The following MTUS1 variants were observed in gnomAD, a reference collection of about 807,000 sequenced individuals.
MTUS1 encodes microtubule associated scaffold protein 1, also known as microtubule-associated tumor suppressor 1.
MTUS1 carries 109 observed loss-of-function variants against 120.8 expected under a neutral mutation model. That is an observed-to-expected ratio of 0.90 (90% CI 0.77 to 1.06). The LOEUF (loss-of-function observed/expected upper bound fraction) is 1.06, where lower values mean the gene tolerates loss of function less well. MTUS1 is among the 50% of genes least tolerant of loss of function. The probability of loss-of-function intolerance (pLI) is 0.00; values close to 1 mark genes in which losing one functional copy is unlikely to be tolerated. For synonymous variants in MTUS1, 737 were observed against 550.5 expected (o/e 1.34, Z -4.74); for missense variants, 2,210 against 1,486.3 (o/e 1.49, Z -8.01).
At position 17,754,093 on chromosome 8, in the gene MTUS1, T is replaced by C. The variant is rs2048404295; in HGVS notation, c.1715A>G (p.Asn572Ser). The C allele has an allele frequency of 6.2e-7, 1 of 1,614,100 alleles. No individual in the cohort carries two copies. Among genetic ancestry groups the C allele is most frequent in the Non-Finnish European group, 8.5e-7 (1 of 1,180,030 alleles). ...NADKKAEILINKTHKQQFNKL... is the reference protein window; with the variant it reads ...NADKKAEILISKTHKQQFNKL... ...ATTAAACTGCTGCTTATGTGTCTTG[T>C]TAATTAGAATTTCTGCTTTTTTGTC... Residue 572 changes from asparagine (N) to serine (S), a missense_variant, in exon 2 of 15, where the codon AAC becomes AGC. Transcript: ENST00000693296.
intron 6 of MTUS1, among the ~76,000 whole-genome samples, chr8:17,707,693 T>C (rs912001470): frequency 6.6e-6 from 1 of 152,168 alleles, no homozygotes; most frequent in Non-Finnish European, 1.5e-5. Flanking sequence ...GCCATAACTA[T>C]CTTGAAAAAG....
At chr8:17,723,291 T>C (rs1441120008) in intron 4 of MTUS1, 2 of 271,668 alleles carry the variant, frequency 7.4e-6, no homozygotes, top group Non-Finnish European at 1.5e-5. Flanking sequence ...ATATTAGTCC[T>C]ATTACACAAA....
At chr8:17,757,359 A>G (rs917828952) in intron 1 of MTUS1, among the ~76,000 whole-genome samples, 1 of 152,216 alleles carries the variant, frequency 6.6e-6, no homozygotes, top group African/African-American at 2.4e-5. Flanking sequence ...AAGAAAACCT[A>G]AAGTGGCTGC....
intron 14 of MTUS1, 73 bp downstream of exon 14, chr8:17,646,908 AG>A (rs1805910716): frequency 9.8e-7 from 1 of 1,015,928 alleles, no homozygotes; most frequent in Admixed American, 1.7e-5. Flanking sequence ...GCAGGGGTAG[AG>A]CGTGTCCAGA....
In MTUS1 at chr8:17,684,357, T is replaced by C. The variant is rs1185765728; in HGVS notation, c.2809A>G (p.Thr937Ala). 43 of 1,614,200 alleles carry C rather than the reference T, an allele frequency of 2.7e-5. No homozygotes were observed. Among genetic ancestry groups the C allele is most frequent in the Non-Finnish European group, 3.6e-5 (43 of 1,180,018 alleles). ...ACGNTKFEAL[T>A]VVIQHLLSER... ...GACAGCAGGTGCTGAATCACAACTG[T>C]CAATGCCTCAAACTTGGTATTACCA... The change falls in exon 7 of 15, where the codon ACA (threonine) becomes GCA (alanine). Residue 937 changes from threonine (T) to alanine (A), a missense_variant. Physicochemically the swap from Thr to Ala is moderately conservative, Grantham distance 58. Transcript: ENST00000693296.
At chr8:17,680,403 G>T (rs1164948022) in intron 7 of MTUS1, among the ~76,000 whole-genome samples, 5 of 148,388 alleles carry the variant, frequency 3.4e-5, no homozygotes, top group Non-Finnish European at 3.0e-5. Context: ...GGCGGAGGTT[G>T]CAGTGAGCTG....
intron 2 of MTUS1, among the ~76,000 whole-genome samples, chr8:17,745,936 T>A (rs1226205844): frequency 6.6e-6 from 1 of 152,168 alleles, no homozygotes; most frequent in Non-Finnish European, 1.5e-5. Flanking sequence ...CCCCTTGCTG[T>A]TCTTATGACA....
At chr8:17,668,550 T>G (rs550622730) in intron 8 of MTUS1, among the ~76,000 whole-genome samples, 92 of 152,370 alleles carry the variant, frequency 6.0e-4, no homozygotes, top group African/African-American at 2.1e-3. Flanking sequence ...TAACTGGGAT[T>G]GTCGGACATA....
chr8:17,711,452 G>C (rs930131819), intron 6 of MTUS1, among the ~76,000 whole-genome samples: 2 of 140,372 alleles, frequency 1.4e-5, no homozygotes, highest in Admixed American at 7.3e-5. Context: ...CTAGCTTCCA[G>C]CTTTTTTTTT....
At chr8:17,748,447 A>C (rs994005067) in intron 2 of MTUS1, among the ~76,000 whole-genome samples, 2 of 151,132 alleles carry the variant, frequency 1.3e-5, no homozygotes, top group African/African-American at 4.9e-5. Context: ...TTGGGTACCC[A>C]AAAAAGGTTA....
At chr8:17,663,392 T>C (rs28576326) in intron 8 of MTUS1, among the ~76,000 whole-genome samples, 5,644 of 152,294 alleles carry the variant, frequency 0.037, 239 homozygotes, top group South Asian at 0.13. Flanking sequence ...TCTTTTGAAA[T>C]GATACAGTGC....
At chr8:17,771,144 C>G (rs769841158) in intron 1 of MTUS1, among the ~76,000 whole-genome samples, 4 of 152,032 alleles carry the variant, frequency 2.6e-5, no homozygotes, top group African/African-American at 7.3e-5. Context: ...GTGTTATATC[C>G]TTTAAACTTA....
chr8:17,762,997 C>CG (rs2049162596), intron 1 of MTUS1, among the ~76,000 whole-genome samples: 1 of 146,634 alleles, frequency 6.8e-6, no homozygotes, highest in Non-Finnish European at 1.5e-5. Flanking sequence ...CCAATGGTAC[C>CG]TTTTTTTTTT....
At chr8:17,689,655 AC>A (rs894289022) in intron 6 of MTUS1, among the ~76,000 whole-genome samples, 4 of 152,164 alleles carry the variant, frequency 2.6e-5, no homozygotes, top group African/African-American at 9.6e-5. Context: ...TCCTATAGCA[AC>A]CAAAAAAGCA....
chr8:17,705,086 G>A lies in MTUS1; in HGVS notation c.2623+8128C>T, dbSNP rs184117686. Among the ~76,000 whole-genome samples, 479 of 152,190 alleles carry A rather than the reference G, an allele frequency of 3.1e-3. 6 individuals carry two copies. The highest frequency in any genetic ancestry group is 2.5e-3 in the Non-Finnish European group (167 of 67,998). On this transcript the variant is annotated intron_variant, in intron 6 of 14. Transcript: ENST00000693296. Reference sequence around the variant, plus strand: ...GCAACCTCTGCCTCCTGGGTTCAACGATTCTTCTGCCTCAGCCTCATGAGT... The same window carrying A: ...GCAACCTCTGCCTCCTGGGTTCAACAATTCTTCTGCCTCAGCCTCATGAGT...
At chr8:17,693,569 G>T (rs868596875) in intron 6 of MTUS1, among the ~76,000 whole-genome samples, 5 of 152,150 alleles carry the variant, frequency 3.3e-5, no homozygotes, top group Non-Finnish European at 7.3e-5. Context: ...TTCCTTGAAG[G>T]AGCCCTTCCT....
rs953228603 is a variant in MTUS1 at position 17,643,826 on chromosome 8, T to C, written c.*2100A>G. 2 of 152,252 alleles carry C rather than the reference T, an allele frequency of 1.3e-5. No individual in the cohort carries two copies. Among genetic ancestry groups the C allele is most frequent in the African/African-American group, 4.8e-5 (2 of 41,460 alleles). 9.4% of individuals were successfully genotyped at this position (152,252 alleles called of 1,614,324 possible). On this transcript the variant is annotated 3_prime_UTR_variant, in exon 15 of 15. Coordinates refer to ENST00000693296, the MANE Select transcript of MTUS1 (RefSeq NM_001363059.2). ...CTTGAGTATTCCAGCATTATTTATT[T>C]GATCAGAGTAAAATACACTTCCCAT...
chr8:17,783,740 C>G (rs145183873), intron 1 of MTUS1, among the ~76,000 whole-genome samples: 1 of 152,108 alleles, frequency 6.6e-6, no homozygotes, highest in Admixed American at 6.6e-5. Flanking sequence ...GAAGCTCAAG[C>G]AAGACAGACA....
Position 17,755,383 on chromosome 8 carries a change from G to A in MTUS1, c.425C>T (p.Pro142Leu). ...VEPSLPFVWK[P>L]NDNLNCAGYC... The stretch of plus-strand genomic sequence containing the variant: ...GCCTGCACAGTTCAAATTGTCATTA[G>A]GCTTCCACACAAAAGGCAAAGATGG... The change falls in exon 2 of 15, where the codon CCT (proline) becomes CTT (leucine). Residue 142 changes from proline (P) to leucine (L), a missense_variant. Pro to Leu is a moderately conservative substitution (Grantham distance 98). Transcript: ENST00000693296. 6.2e-7 allele frequency: 1 copy of A among 1,614,142 alleles called. No homozygotes were observed. Among genetic ancestry groups the A allele is most frequent in the Non-Finnish European group, 8.5e-7 (1 of 1,180,008 alleles).
Sources: gnomAD v4.1 joint callset for allele counts (sites outside exome capture counted in the v4.1 genomes callset) on GRCh38, gnomAD v4.1.1 for gene constraint, MANE v1.5 for transcripts, NCBI Gene and HGNC (gene_info 2026-07-23, HGNC 2026-07-21) for gene names.